Variants in DCTN1 observed in about 807,000 individuals in gnomAD.
DCTN1 encodes dynactin subunit 1, also known as 150 kDa dynein-associated polypeptide.
In DCTN1, 61 loss-of-function variants were observed where a neutral mutation model predicts 161.2. The ratio of observed to expected loss-of-function variants is 0.38; its 90% CI spans 0.31 to 0.47. DCTN1 has a LOEUF of 0.47. Ranked by LOEUF, DCTN1 falls within the 20% of genes least tolerant of loss-of-function variation. DCTN1 has a pLI of 0.99. For synonymous variants in DCTN1, 653 were observed against 632.4 expected, an observed-to-expected ratio of 1.03 and a Z score of -0.49; for missense variants, 1,404 against 1,623.7, an observed-to-expected ratio of 0.86 and a Z score of 2.33.
Position 74,361,527 on chromosome 2 carries a change from T to C in DCTN1, c.3809A>G (p.His1270Arg), listed in dbSNP as rs1673988056. The change falls in exon 32 of 32, where the codon CAC (histidine) becomes CGC (arginine). Residue 1270 changes from histidine to arginine, a missense_variant. Transcript: ENST00000628224. ...HRLVLTQEQL[H>R]QLHSRLIS The stretch of plus-strand genomic sequence containing the variant: ...GGAGATGAGGCGACTGTGAAGCTGG[T>C]GCAGCTGCTCCTGGGTCAGCACCAG... The C allele has an allele frequency of 6.2e-7, 1 of 1,614,104 alleles. No individual in the cohort carries two copies.
chr2:74,368,871 T>C lies in DCTN1; in HGVS notation c.1711A>G (p.Met571Val), dbSNP rs1674618398. The C allele has an allele frequency of 6.2e-7, 1 of 1,614,108 alleles. No homozygotes were observed. The highest frequency in any genetic ancestry group is 1.3e-5 in the African/African-American group (1 of 74,934). The change falls in exon 16 of 32, where the codon ATG (methionine) becomes GTG (valine). Residue 571 changes from methionine (M) to valine (V), a missense_variant. Coordinates refer to ENST00000628224, the MANE Select transcript of DCTN1 (RefSeq NM_004082.5). ...GCCACCTCCATCTGCCTCAATTCCA[T>C]CTCAATTGCCTGTGAGGTGAACAGG... ...ETKAHAKAIE[M>V]ELRQMEVAQA...
In DCTN1 at chr2:74,366,915, T is replaced by G. The variant is rs144256653; in HGVS notation, c.2334A>C (p.Thr778=). 91 of 1,614,224 alleles carry G rather than the reference T, an allele frequency of 5.6e-5. No homozygotes were observed. In the African/African-American group the frequency reaches 1.2e-3, roughly 21 times the overall value. The change falls in exon 21 of 32, where the codon ACA becomes ACC. Residue 778 remains threonine (T), a synonymous_variant. Coordinates refer to ENST00000628224, the MANE Select transcript of DCTN1 (RefSeq NM_004082.5). ...RAFLQGGQEA[T]DIALLLRDLE... ...GATCCCGGAGCAGGAGGGCAATATC[T>G]GTAGCCTCCTGCCCACCCTACTCAG...
chr2:74,377,259 G>A (rs541124621), intron 4 of DCTN1, among the ~76,000 whole-genome samples, 173 bp downstream of exon 4: 1 of 152,212 alleles, frequency 6.6e-6, no homozygotes, highest in South Asian at 2.1e-4. Flanking sequence ...CATCTTTACT[G>A]TAACTCTAAC....
At position 74,369,629 on chromosome 2, in the gene DCTN1, A is replaced by G. The variant is rs1028598886; in HGVS notation, c.1393-138T>C. 7.6e-6 allele frequency: 7 copies of G among 918,734 alleles called. No individual in the cohort carries two copies. Among genetic ancestry groups the G allele is most frequent in the Non-Finnish European group, 1.1e-5 (6 of 563,908 alleles). 56.9% of individuals were successfully genotyped at this position (918,734 alleles called of 1,614,324 possible). On this transcript the variant is annotated intron_variant, in intron 13 of 31. Transcript: ENST00000628224. This position sits in a 1 kb window ranked among gnomAD's most constrained non-coding sequence, Gnocchi z 4.9. ...CGAGATCGAGATCATGCTGGCCAAC[A>G]TGGTGAAACCCCATCTCTACTAAAA...
rs1393688620 is a variant in DCTN1, at chr2:74,380,007, G to A, written c.31C>T (p.Arg11Trp). 7 of 1,614,116 alleles carry A rather than the reference G, an allele frequency of 4.3e-6. No homozygotes were observed. The highest frequency in any genetic ancestry group is 5.9e-6 in the Non-Finnish European group (7 of 1,179,980). MAQSKRHVYSRTPSGSRMSAE... is the reference protein window; with the variant it reads MAQSKRHVYSWTPSGSRMSAE... Reference sequence around the variant, plus strand: ...CATCCCAGATTAGGGCCACTTACCCGGCTGTACACGTGCCTCTTGCTCTGT... The same window carrying A: ...CATCCCAGATTAGGGCCACTTACCCAGCTGTACACGTGCCTCTTGCTCTGT... The change falls in exon 1 of 32, where the codon CGG becomes TGG. Residue 11 changes from arginine (R) to tryptophan (W), a missense_variant and splice_region_variant. Coordinates refer to ENST00000628224, the MANE Select transcript of DCTN1 (RefSeq NM_004082.5).
At chr2:74,367,935 C>A (rs1170731690) in intron 17 of DCTN1, 36 bp downstream of exon 17, 1 of 1,614,196 alleles carries the variant, frequency 6.2e-7, no homozygotes, top group African/African-American at 1.3e-5. Flanking sequence ...AATCCTGGAC[C>A]CCCACCCTGG....
At chr2:74,384,888 A>G (rs1029555135), upstream of DCTN1, 2 of 152,236 alleles carry the variant, frequency 1.3e-5, no homozygotes, top group African/African-American at 4.8e-5. Flanking sequence ...TAAGGAAGAG[A>G]TAAACGTGGA....
chr2:74,386,599 C>T (rs1234546109), intron 1 of DCTN1: 1 of 152,212 alleles, frequency 6.6e-6, no homozygotes, highest in Non-Finnish European at 1.5e-5. Flanking sequence ...TTTCAAGCTT[C>T]CTTTACATTT....
exon 1 of DCTN1, chr2:74,391,856 G>GCGGGGC (rs1449952246): frequency 3.3e-5 from 15 of 453,332 alleles, no homozygotes; most frequent in Non-Finnish European, 6.2e-5. Flanking sequence ...CCAAGACCCT[G>GCGGGGC]CGGGGCCGGC....
At position 74,370,089 on chromosome 2, in the gene DCTN1, G is replaced by T. The variant is rs780631108; in HGVS notation, c.1288-20C>A. The T allele has an allele frequency of 3.1e-6, 5 of 1,614,036 alleles. No homozygotes were observed. Among genetic ancestry groups the T allele is most frequent in the Non-Finnish European group, 4.2e-6 (5 of 1,180,026 alleles). On this transcript the variant is annotated intron_variant, in intron 12 of 31. Coordinates refer to ENST00000628224, the MANE Select transcript of DCTN1 (RefSeq NM_004082.5). The surrounding 1 kb of genome is among the most constrained non-coding windows in gnomAD (Gnocchi z 4.4). ...ATCCACCTGTGTTACGGGGAGGATA[G>T]GGAGAAGGGCTGCTGGAAGGTACCT...
rs777509420 is a variant in DCTN1 at position 74,361,448 on chromosome 2, A to G, written c.*51T>C. ...GCTGAGGTGGCTGTGCATCGGGCAG[A>G]GCGGCACCAGAGGGCTGAGGGTCGA... On this transcript the variant is annotated 3_prime_UTR_variant, in exon 32 of 32. Coordinates refer to ENST00000628224, the MANE Select transcript of DCTN1 (RefSeq NM_004082.5). The G allele has an allele frequency of 6.2e-7, 1 of 1,612,700 alleles. No homozygotes were observed. The highest frequency in any genetic ancestry group is 8.5e-7 in the Non-Finnish European group (1 of 1,179,806).
chr2:74,365,959 G>A lies in DCTN1; in HGVS notation c.2820C>T (p.Gly940=). The change falls in exon 24 of 32, where the codon GGC becomes GGT. Residue 940 remains glycine, a synonymous_variant. Transcript: ENST00000628224. ...CTCGATCTTCGAGCTTCAAACCCAG[G>A]CCTTCAGCATCTGTGATCTCTGCAC... is the stretch of plus-strand genomic sequence containing the variant. The part of the protein sequence containing the change: ...ALRAEITDAE[G]LGLKLEDRET... 2 of 1,614,218 alleles carry A rather than the reference G, an allele frequency of 1.2e-6. No individual in the cohort carries two copies. Among genetic ancestry groups the A allele is most frequent in the Non-Finnish European group, 1.7e-6 (2 of 1,180,044 alleles).
At chr2:74,363,706 C>T (rs1674196822) in intron 26 of DCTN1, 78 bp from the exon 27 acceptor site, 1 of 1,578,730 alleles carries the variant, frequency 6.3e-7, no homozygotes, top group Non-Finnish European at 8.7e-7. Context: ...CGGGGACACA[C>T]CAGAGGAATC....
rs776019307 is a variant in DCTN1 at position 74,361,398 on chromosome 2, A to C, written c.*101T>G. On this transcript the variant is annotated 3_prime_UTR_variant, in exon 32 of 32. Coordinates refer to ENST00000628224, the MANE Select transcript of DCTN1 (RefSeq NM_004082.5). ...AAGCTGAACGGGGCAGGAAGAGCTT[A>C]ACCCACGTTTCTACCTGGGGGCTGG... 2.6e-6 allele frequency: 4 copies of C among 1,548,086 alleles called. No homozygotes were observed. The East Asian group carries it at 9.0e-5, about 35-fold the overall frequency.
Position 74,370,547 on chromosome 2 carries a change from G to A in DCTN1, c.1049-3C>T, listed in dbSNP as rs1674760564. The A allele has an allele frequency of 5.0e-6, 8 of 1,614,108 alleles. No homozygotes were observed. In the East Asian group the frequency reaches 1.8e-4, roughly 36 times the overall value. ...ACTGGATGCAGCGCCATCTGAGCCT[G>A]GAGAAGATCATTAACACTTTCAGGC... On this transcript the variant is annotated splice_region_variant and splice_polypyrimidine_tract_variant and intron_variant, in intron 10 of 31. Coordinates refer to ENST00000628224, the MANE Select transcript of DCTN1 (RefSeq NM_004082.5). This position sits in a 1 kb window ranked among gnomAD's most constrained non-coding sequence, Gnocchi z 4.4.
At chr2:74,374,910 G>C (rs1034359639) in intron 5 of DCTN1, among the ~76,000 whole-genome samples, 1 of 152,156 alleles carries the variant, frequency 6.6e-6, no homozygotes, top group African/African-American at 2.4e-5. Flanking sequence ...GGCTATCCCA[G>C]AAATGGCATT....
intron 5 of DCTN1, among the ~76,000 whole-genome samples, chr2:74,375,037 ACTTCTGTCT>A (rs1675144472): frequency 6.9e-6 from 1 of 144,292 alleles, no homozygotes; most frequent in African/African-American, 2.7e-5. Context: ...CATTAACTCC[ACTTCTGTCT>A]CTTATACAAC....
At chr2:74,365,813 T>A in intron 24 of DCTN1, 80 bp downstream of exon 24, 1 of 1,613,518 alleles carries the variant, frequency 6.2e-7, no homozygotes, top group Non-Finnish European at 8.5e-7. Context: ...GCCGTCTTGG[T>A]CCCGATCCCC....
Position 74,369,289 on chromosome 2 carries a change from T to A in DCTN1, c.1584+11A>T. ...GTGATGGTGGGCAGAGAGCAAACAG[T>A]GGGCATGTACCTGTAGATGGGCGGT... is the stretch of plus-strand genomic sequence containing the variant. On this transcript the variant is annotated intron_variant, in intron 14 of 31. Transcript: ENST00000628224. The surrounding 1 kb of genome is among the most constrained non-coding windows in gnomAD (Gnocchi z 4.9). 1.2e-6 allele frequency: 2 copies of A among 1,614,088 alleles called. No individual in the cohort carries two copies. Among genetic ancestry groups the A allele is most frequent in the Non-Finnish European group, 1.7e-6 (2 of 1,180,008 alleles).
Sources: gnomAD v4.1 joint callset for allele counts (sites outside exome capture counted in the v4.1 genomes callset) on GRCh38, gnomAD v4.1.1 for gene constraint, Gnocchi (gnomAD v3.1) non-coding constraint, MANE v1.5 for transcripts, NCBI Gene and HGNC (gene_info 2026-07-23, HGNC 2026-07-21) for gene names.